Variants in KIAA2012 observed in about 807,000 individuals in gnomAD.
KIAA2012 encodes the protein uncharacterized protein KIAA2012.
In KIAA2012, 125 loss-of-function variants were observed where a neutral mutation model predicts 150.6. The ratio of observed to expected loss-of-function variants is 0.83; its 90% CI spans 0.72 to 0.96. KIAA2012 has a LOEUF of 0.96. Among genes scored for constraint, KIAA2012 ranks in the 40% least tolerant of loss-of-function variants. KIAA2012 has a pLI of 0.00. For synonymous variants in KIAA2012, 462 were observed against 504.7 expected (o/e 0.92, Z 1.13); for missense variants, 1,219 against 1,354.9 (o/e 0.90, Z 1.57).
intron 19 of KIAA2012, among the ~76,000 whole-genome samples, chr2:202,191,592 CAACT>C (rs200764116): frequency 0.036 from 5,441 of 151,890 alleles, 123 homozygotes; most frequent in Middle Eastern, 0.065. Flanking sequence ...AAAATCCCTG[CAACT>C]AACTAAAAAA....
chr2:202,190,628 C>T (rs1692312271), intron 19 of KIAA2012, 135 bp downstream of exon 19: 3 of 692,936 alleles, frequency 4.3e-6, no homozygotes, highest in Non-Finnish European at 7.1e-6. Flanking sequence ...TATTGTTCTA[C>T]TTTGGTATCT....
At position 202,193,302 on chromosome 2, in the gene KIAA2012, C is replaced by A; in HGVS notation, c.2813C>A (p.Ala938Asp). Residue 938 changes from alanine to aspartate, a missense_variant and splice_region_variant, in exon 20 of 24, where the codon GCC becomes GAC. Transcript: ENST00000498697. ...EERRCEDPSK[A>D]LLTKREQEKA... ...ACTGAGAACACTCTGGTTTCTTAGG[C>A]CCTCCTCACTAAGAGGGAGCAGGAG... 6.5e-7 allele frequency: 1 copy of A among 1,549,070 alleles called. No individual in the cohort carries two copies. The highest frequency in any genetic ancestry group is 8.7e-7 in the Non-Finnish European group (1 of 1,146,738).
chr2:202,166,353 A>G (rs746630470), intron 15 of KIAA2012, among the ~76,000 whole-genome samples: 2 of 152,158 alleles, frequency 1.3e-5, no homozygotes, highest in Non-Finnish European at 2.9e-5. Flanking sequence ...TTTTTTAACT[A>G]TTTAAGGATC....
At position 202,093,230 on chromosome 2, in the gene KIAA2012, ATTTGAATTGTTAACACC is replaced by A. The variant is rs772503900; in HGVS notation, c.685+48_685+64del. The A allele has an allele frequency of 1.8e-5, 28 of 1,536,684 alleles. No individual in the cohort carries two copies. In the African/African-American group the frequency reaches 3.9e-4, roughly 21 times the overall value. Reference sequence around the variant, plus strand: ...TTGATTTTATGACCAGTTCTCAGATATTTGAATTGTTAACACCTTAAAATGGCATTTCCCAAAACAAG... The same window carrying A: ...TTGATTTTATGACCAGTTCTCAGATATTAAAATGGCATTTCCCAAAACAAG... On this transcript the variant is annotated intron_variant, in intron 4 of 23. Coordinates refer to ENST00000498697, the MANE Select transcript of KIAA2012 (RefSeq NM_001277372.4).
chr2:202,175,771 A>G (rs1184438959), intron 15 of KIAA2012, among the ~76,000 whole-genome samples: 1 of 152,260 alleles, frequency 6.6e-6, no homozygotes, highest in African/African-American at 2.4e-5. Flanking sequence ...GCCTGAACAG[A>G]CTAAGATATT....
At chr2:202,157,648 G>C (rs1041362770) in intron 14 of KIAA2012, among the ~76,000 whole-genome samples, 1 of 152,144 alleles carries the variant, frequency 6.6e-6, no homozygotes, top group African/African-American at 2.4e-5. Flanking sequence ...TTACAGATGA[G>C]AAAACTAAGG....
chr2:202,086,447 C>G (rs1689574284), intron 2 of KIAA2012, among the ~76,000 whole-genome samples: 1 of 152,146 alleles, frequency 6.6e-6, no homozygotes, highest in South Asian at 2.1e-4. Flanking sequence ...AAAAAGTACC[C>G]AACAAATATT....
intron 15 of KIAA2012, among the ~76,000 whole-genome samples, chr2:202,174,270 G>A (rs1301110383): frequency 1.3e-5 from 2 of 152,106 alleles, no homozygotes; most frequent in Non-Finnish European, 2.9e-5. Context: ...TGGCCAAGAA[G>A]CATTCTCTTT....
intron 10 of KIAA2012, among the ~76,000 whole-genome samples, chr2:202,110,825 C>T (rs1191373829): frequency 6.6e-6 from 1 of 152,132 alleles, no homozygotes; most frequent in African/African-American, 2.4e-5. Context: ...CTCCCCAGAG[C>T]ATATATAGTT....
chr2:202,187,193 G>T, intron 17 of KIAA2012, 95 bp downstream of exon 17: 2 of 1,360,764 alleles, frequency 1.5e-6, no homozygotes, highest in East Asian at 2.5e-5. Context: ...ACTATATGAG[G>T]GCACCCGATA....
chr2:202,087,454 A>G (rs936529079), intron 2 of KIAA2012, among the ~76,000 whole-genome samples: 4 of 137,714 alleles, frequency 2.9e-5, no homozygotes, highest in Admixed American at 1.6e-4. Flanking sequence ...CAGAGATTGT[A>G]GTGAACCAAG....
At chr2:202,170,758 C>T (rs1475208758) in intron 15 of KIAA2012, among the ~76,000 whole-genome samples, 1 of 152,150 alleles carries the variant, frequency 6.6e-6, no homozygotes, top group Non-Finnish European at 1.5e-5. Flanking sequence ...AAGGCATTTA[C>T]GAACCTAGAC....
At chr2:202,180,952 C>T (rs543537117) in intron 15 of KIAA2012, among the ~76,000 whole-genome samples, 1 of 152,094 alleles carries the variant, frequency 6.6e-6, no homozygotes, top group Non-Finnish European at 1.5e-5. Flanking sequence ...TACATTCATA[C>T]GATAACATAC....
At chr2:202,146,231 G>A (rs760646010) in intron 13 of KIAA2012, among the ~76,000 whole-genome samples, 50 of 152,110 alleles carry the variant, frequency 3.3e-4, no homozygotes, top group Non-Finnish European at 6.2e-4. Flanking sequence ...GGCCAGGAGT[G>A]GTGGCTCACA....
intron 15 of KIAA2012, among the ~76,000 whole-genome samples, chr2:202,169,123 G>T (rs1462130447): frequency 1.3e-5 from 2 of 152,190 alleles, no homozygotes; most frequent in Non-Finnish European, 2.9e-5. Flanking sequence ...GCTTAATTGG[G>T]TGGCTACTAA....
intron 10 of KIAA2012, among the ~76,000 whole-genome samples, chr2:202,111,107 G>A (rs191115750): frequency 3.3e-5 from 5 of 152,154 alleles, no homozygotes; most frequent in Admixed American, 3.3e-4. Flanking sequence ...CCCACCTGGG[G>A]CCTTCCTAGG....
intron 2 of KIAA2012, among the ~76,000 whole-genome samples, chr2:202,079,714 T>G (rs746260140): frequency 3.1e-4 from 47 of 152,358 alleles, no homozygotes; most frequent in Middle Eastern, 3.4e-3. Flanking sequence ...TGGTTGGTTT[T>G]TTGTTGTTGT....
chr2:202,150,647 T>A (rs532752586), intron 13 of KIAA2012, among the ~76,000 whole-genome samples: 5 of 152,192 alleles, frequency 3.3e-5, no homozygotes, highest in Middle Eastern at 3.4e-3. Context: ...TGGGTTTTGC[T>A]GTGTTGGCCA....
Position 202,201,934 on chromosome 2 carries a change from T to G in KIAA2012, c.3408-495T>G, listed in dbSNP as rs1289240282. On this transcript the variant is annotated intron_variant, in intron 22 of 23. Transcript: ENST00000498697. ...CTCGGCATCAGGGACGGTTATCTTT[T>G]CCGTCCTCTTCCTGTTCGGAGCCAC... 7.5e-5 allele frequency: 58 copies of G among 773,944 alleles called. No homozygotes were observed. In the East Asian group the frequency reaches 1.4e-3, roughly 19 times the overall value. 47.9% of individuals were successfully genotyped at this position (773,944 alleles called of 1,614,324 possible).
Sources: gnomAD v4.1 joint callset for allele counts (sites outside exome capture counted in the v4.1 genomes callset) on GRCh38, gnomAD v4.1.1 for gene constraint, MANE v1.5 for transcripts, NCBI Gene and HGNC (gene_info 2026-07-23, HGNC 2026-07-21) for gene names.